Variants in CTXN2 observed in about 807,000 individuals in gnomAD.
CTXN2 encodes cortexin 2, also known as cortexin-2.
CTXN2 carries 3 observed loss-of-function variants against 5.7 expected under a neutral mutation model. The ratio of observed to expected loss-of-function variants is 0.53; its 90% CI spans 0.24 to 1.36. The LOEUF is 1.36. Ranked by LOEUF, CTXN2 falls within the 40% of genes most tolerant of loss-of-function variation. The pLI, the probability that CTXN2 is intolerant of heterozygous loss-of-function variation, is 0.17. For missense variants in CTXN2, 87 were observed against 93.0 expected (o/e 0.94, Z 0.26); for synonymous variants, 38 against 36.4 (o/e 1.04, Z -0.16).
At chr15:48,185,880 T>C (rs1322764747) in intron 1 of CTXN2, among the ~76,000 whole-genome samples, 1 of 152,216 alleles carries the variant, frequency 6.6e-6, no homozygotes, top group African/African-American at 2.4e-5. Context: ...CAACTGCTTT[T>C]ACTTGGTAGT....
intron 1 of CTXN2, among the ~76,000 whole-genome samples, chr15:48,194,633 G>A (rs1297561555): frequency 6.6e-6 from 1 of 152,102 alleles, no homozygotes; most frequent in Non-Finnish European, 1.5e-5. Context: ...ATTTACTCAT[G>A]ATTCATCTTA....
At chr15:48,182,696 TA>T (rs2040709862) in intron 1 of CTXN2, among the ~76,000 whole-genome samples, 1 of 152,222 alleles carries the variant, frequency 6.6e-6, no homozygotes, top group Non-Finnish European at 1.5e-5. Flanking sequence ...TAGCTATTTT[TA>T]TCAGTCAGGA....
At chr15:48,196,209 A>T (rs917415138) in intron 1 of CTXN2, among the ~76,000 whole-genome samples, 8 of 152,066 alleles carry the variant, frequency 5.3e-5, no homozygotes, top group Non-Finnish European at 1.0e-4. Context: ...CCAAGTCATT[A>T]TCTCCCCTGT....
intron 1 of CTXN2, 117 bp downstream of exon 1, chr15:48,191,970 C>A: frequency 5.6e-4 from 189 of 337,812 alleles, no homozygotes; most frequent in South Asian, 7.6e-4. Context: ...ATTTCTGAAG[C>A]AAAAGAGCGG....
At chr15:48,194,790 A>G (rs999116553) in intron 1 of CTXN2, among the ~76,000 whole-genome samples, 5 of 152,136 alleles carry the variant, frequency 3.3e-5, no homozygotes, top group African/African-American at 1.2e-4. Context: ...AATCTAGAAC[A>G]AGTCCATCTG....
At chr15:48,197,998 C>T (rs1222559607) in intron 1 of CTXN2, among the ~76,000 whole-genome samples, 1 of 152,102 alleles carries the variant, frequency 6.6e-6, no homozygotes, top group Non-Finnish European at 1.5e-5. Context: ...TAACCAATGT[C>T]ACTACAGTTG....
upstream of CTXN2, chr15:48,189,435 T>C (rs973075330): frequency 6.6e-6 from 1 of 152,214 alleles, no homozygotes; most frequent in Admixed American, 6.5e-5. Context: ...CCAACCGTGA[T>C]AATAAATTAT....
At chr15:48,195,449 A>G (rs1308232852) in intron 1 of CTXN2, among the ~76,000 whole-genome samples, 1 of 152,058 alleles carries the variant, frequency 6.6e-6, no homozygotes, top group East Asian at 1.9e-4. Context: ...ATAGATTTCA[A>G]ACTCTTAGCC....
upstream of CTXN2, chr15:48,190,115 T>G (rs1342067090): frequency 6.6e-6 from 1 of 152,298 alleles, no homozygotes; most frequent in Non-Finnish European, 1.5e-5. Context: ...GGCTGCATCT[T>G]GCTACTTTAA....
In CTXN2 at chr15:48,203,252, C is replaced by G. The variant is rs1209085187; in HGVS notation, c.*1706C>G. ...TGCTCAGGTCTATGGAATTCCAAAA[C>G]CAGCTGTCTCTGTGAGATTCCTTGA... On this transcript the variant is annotated 3_prime_UTR_variant, in exon 2 of 2. Coordinates refer to ENST00000417307, the MANE Select transcript of CTXN2 (RefSeq NM_001145668.2). 6.0e-6 allele frequency: 1 copy of G among 167,064 alleles called. No individual in the cohort carries two copies. Among genetic ancestry groups the G allele is most frequent in the African/African-American group, 2.4e-5 (1 of 41,438 alleles). The allele number at this position is 167,064 out of a possible 1,614,324, so 10.3% of individuals were successfully genotyped here.
intron 1 of CTXN2, among the ~76,000 whole-genome samples, chr15:48,180,801 C>T (rs1321669400): frequency 6.6e-6 from 1 of 152,234 alleles, no homozygotes; most frequent in Middle Eastern, 3.2e-3. Flanking sequence ...TGAGCCAGAG[C>T]GCCCGGCCTT....
At chr15:48,191,411 A>AT (rs2040820688), upstream of CTXN2, 2 of 214,452 alleles carry the variant, frequency 9.3e-6, no homozygotes, top group Admixed American at 5.0e-5. Flanking sequence ...GAGAAAAAAA[A>AT]GGAGTGTCTA....
intron 1 of CTXN2, among the ~76,000 whole-genome samples, chr15:48,195,808 AT>A (rs1182769961): frequency 6.6e-6 from 1 of 152,132 alleles, no homozygotes; most frequent in African/African-American, 2.4e-5. Flanking sequence ...ATAAAATAAA[AT>A]ATGTAAAGCA....
Position 48,201,666 on chromosome 15 carries a change from G to T in CTXN2, c.*120G>T. On this transcript the variant is annotated 3_prime_UTR_variant, in exon 2 of 2. Transcript: ENST00000417307. ...TGTTCAGTGAATTCAATAAACATCT[G>T]TGACTAATTTCTTCACCATGCTGTG... The T allele has an allele frequency of 1.1e-6, 1 of 935,688 alleles. No individual in the cohort carries two copies. The allele number at this position is 935,688 out of a possible 1,614,324, so 58.0% of individuals were successfully genotyped here.
intron 1 of CTXN2, among the ~76,000 whole-genome samples, chr15:48,193,781 C>T (rs2040850065): frequency 6.6e-6 from 1 of 152,026 alleles, no homozygotes. Context: ...ATATTATGCT[C>T]TATATCAGTA....
chr15:48,191,637 C>A (rs1037816814), upstream of CTXN2: 2 of 444,590 alleles, frequency 4.5e-6, no homozygotes, highest in Admixed American at 2.4e-5. Flanking sequence ...CGCGCGCACA[C>A]GTACTTCGGC....
chr15:48,200,136 G>C (rs1204355871), intron 1 of CTXN2, among the ~76,000 whole-genome samples: 2 of 151,648 alleles, frequency 1.3e-5, no homozygotes, highest in African/African-American at 2.4e-5. Flanking sequence ...AAATCTCAAG[G>C]GTCAGTAATT....
chr15:48,194,098 G>A (rs1208330248), intron 1 of CTXN2, among the ~76,000 whole-genome samples: 1 of 152,076 alleles, frequency 6.6e-6, no homozygotes, highest in Non-Finnish European at 1.5e-5. Context: ...TTTTTCAGTT[G>A]CTCTCCTTGA....
chr15:48,200,213 A>G (rs1160222307), intron 1 of CTXN2, among the ~76,000 whole-genome samples: 1 of 152,196 alleles, frequency 6.6e-6, no homozygotes, highest in Non-Finnish European at 1.5e-5. Flanking sequence ...CCAACAGTCT[A>G]TTATTCGCAG....
Sources: allele counts gnomAD v4.1 joint callset (sites outside exome capture counted in the v4.1 genomes callset), GRCh38; gene constraint gnomAD v4.1.1; transcripts MANE v1.5; gene names NCBI Gene and HGNC (gene_info 2026-07-23, HGNC 2026-07-21).